Variants in CYP2C19 observed in about 807,000 individuals in gnomAD.
The protein encoded by CYP2C19 is cytochrome P450 2C19.
CYP2C19 carries 59 observed loss-of-function variants against 40.9 expected under a neutral mutation model. That is an observed-to-expected ratio of 1.44 (90% CI 1.17 to 1.79). The LOEUF (loss-of-function observed/expected upper bound fraction) is 1.79. CYP2C19 is among the 40% of genes most tolerant of loss of function. The pLI is 0.00. For synonymous variants in CYP2C19, 253 were observed against 208.7 expected (o/e 1.21, Z -1.83); for missense variants, 754 against 596.9 (o/e 1.26, Z -2.74).
chr10:94,837,491 C>A (rs1372859858), intron 6 of CYP2C19, among the ~76,000 whole-genome samples: 1 of 152,138 alleles, frequency 6.6e-6, no homozygotes, highest in South Asian at 2.1e-4. Context: ...TGTATAATGG[C>A]CCCTGGTTTT....
chr10:94,806,427 C>T (rs1848837302), intron 5 of CYP2C19, among the ~76,000 whole-genome samples: 1 of 151,872 alleles, frequency 6.6e-6, no homozygotes, highest in South Asian at 2.1e-4. Flanking sequence ...CCAGAAGTGG[C>T]ATTTCTGGGA....
At chr10:94,827,002 G>A (rs1849236685) in intron 6 of CYP2C19, among the ~76,000 whole-genome samples, 1 of 152,088 alleles carries the variant, frequency 6.6e-6, no homozygotes, top group African/African-American at 2.4e-5. Flanking sequence ...TTGCATCCCA[G>A]GGATGAAGCC....
chr10:94,821,089 G>GA (rs1029835566), intron 6 of CYP2C19, among the ~76,000 whole-genome samples: 7 of 150,428 alleles, frequency 4.7e-5, no homozygotes, highest in African/African-American at 1.2e-4. Context: ...TCTCAGAAAA[G>GA]AAAAAAAAGG....
chr10:94,794,123 T>C (rs1437358138), intron 5 of CYP2C19, among the ~76,000 whole-genome samples: 3 of 152,118 alleles, frequency 2.0e-5, no homozygotes, highest in Non-Finnish European at 2.9e-5. Flanking sequence ...TGTGCTAGCA[T>C]TGAGCGAGGT....
rs532305229 is a variant in CYP2C19 at position 94,820,190 on chromosome 10, A to G, written c.820-306A>G. ...AAAAAGCCCTTGACAAAATTCAACA[A>G]CCCTTCATGCTAAAAACTCTCAATA... On this transcript the variant is annotated intron_variant, in intron 5 of 8. Transcript: ENST00000371321. 4.6e-4 allele frequency among the ~76,000 whole-genome samples: 70 copies of G among 151,404 alleles called. 1 individual carries two copies. In the East Asian group the frequency reaches 8.9e-3, roughly 19 times the overall value.
chr10:94,852,591 A>C, intron 8 of CYP2C19, 142 bp from the exon 9 acceptor site: 1 of 832,684 alleles, frequency 1.2e-6, no homozygotes, highest in Non-Finnish European at 1.9e-6. Flanking sequence ...CATTCACCCA[A>C]CCACCCATCT....
intron 5 of CYP2C19, among the ~76,000 whole-genome samples, chr10:94,803,139 TG>T (rs887769166): frequency 6.6e-6 from 1 of 152,340 alleles, no homozygotes. Flanking sequence ...AGATATTTCA[TG>T]GTGCCAGAAT....
chr10:94,772,475 C>G (rs978011149), intron 1 of CYP2C19, among the ~76,000 whole-genome samples: 1 of 152,080 alleles, frequency 6.6e-6, no homozygotes, highest in Non-Finnish European at 1.5e-5. Context: ...GGAAGTTTGT[C>G]TGGCAGGCAT....
chr10:94,844,878 G>A (rs997935559), intron 7 of CYP2C19, among the ~76,000 whole-genome samples: 2 of 152,098 alleles, frequency 1.3e-5, no homozygotes, highest in African/African-American at 4.8e-5. Flanking sequence ...AGGATGAGTC[G>A]CCAGTCTCCC....
chr10:94,848,230 G>A (rs988315343), intron 7 of CYP2C19, among the ~76,000 whole-genome samples: 8 of 151,956 alleles, frequency 5.3e-5, no homozygotes, highest in South Asian at 4.1e-4. Flanking sequence ...TTAAGTCTTT[G>A]ATCCATCTTG....
intron 1 of CYP2C19, among the ~76,000 whole-genome samples, chr10:94,772,370 T>C (rs980561345): frequency 1.3e-5 from 2 of 152,086 alleles, no homozygotes; most frequent in Non-Finnish European, 2.9e-5. Flanking sequence ...CTGGAGTTTA[T>C]ACTAGAAATC....
intron 1 of CYP2C19, among the ~76,000 whole-genome samples, chr10:94,772,061 T>G (rs1326142174): frequency 6.6e-6 from 1 of 152,112 alleles, no homozygotes; most frequent in Non-Finnish European, 1.5e-5. Flanking sequence ...GTATTGGGAC[T>G]TTACCTGTGT....
chr10:94,829,135 A>T (rs561274332), intron 6 of CYP2C19, among the ~76,000 whole-genome samples: 5 of 152,066 alleles, frequency 3.3e-5, no homozygotes, highest in Non-Finnish European at 7.4e-5. Flanking sequence ...ACTGACAATT[A>T]TGTGTCTTGG....
intron 5 of CYP2C19, among the ~76,000 whole-genome samples, chr10:94,798,052 C>G (rs985021076): frequency 3.3e-5 from 5 of 152,012 alleles, no homozygotes; most frequent in African/African-American, 1.2e-4. Flanking sequence ...TTTGTTTGCT[C>G]TTGCTTCTCT....
chr10:94,770,386 G>T (rs533204780), intron 1 of CYP2C19, among the ~76,000 whole-genome samples: 1 of 152,082 alleles, frequency 6.6e-6, no homozygotes, highest in African/African-American at 2.4e-5. Context: ...AGCCCTACTG[G>T]GTGATTGGCC....
chr10:94,816,267 T>A (rs1005912505), intron 5 of CYP2C19, among the ~76,000 whole-genome samples: 1 of 149,952 alleles, frequency 6.7e-6, no homozygotes, highest in Non-Finnish European at 1.5e-5. Context: ...TTTATTTTTA[T>A]TTTTATTTTT....
chr10:94,820,213 A>G (rs1159356263), intron 5 of CYP2C19, among the ~76,000 whole-genome samples: 1 of 152,026 alleles, frequency 6.6e-6, no homozygotes, highest in Non-Finnish European at 1.5e-5. Flanking sequence ...AAAACTCTCA[A>G]TAAATTAGGT....
At chr10:94,781,509 C>T (rs1257036237) in intron 4 of CYP2C19, among the ~76,000 whole-genome samples, 1 of 152,006 alleles carries the variant, frequency 6.6e-6, no homozygotes, top group Non-Finnish European at 1.5e-5. Flanking sequence ...TTCATACCAT[C>T]TTATATTTCA....
intron 7 of CYP2C19, among the ~76,000 whole-genome samples, chr10:94,846,159 C>T (rs770351446): frequency 6.6e-6 from 1 of 152,028 alleles, no homozygotes; most frequent in Non-Finnish European, 1.5e-5. Flanking sequence ...GCACATAATT[C>T]GGGTATGTTG....
Sources: gnomAD v4.1 joint callset for allele counts (sites outside exome capture counted in the v4.1 genomes callset) on GRCh38, gnomAD v4.1.1 for gene constraint, MANE v1.5 for transcripts, NCBI Gene and HGNC (gene_info 2026-07-23, HGNC 2026-07-21) for gene names.